The following GABBR2 variants were observed in gnomAD, a reference collection of about 807,000 sequenced individuals.
The protein encoded by GABBR2 is G-protein coupled receptor 51.
GABBR2 carries 23 observed loss-of-function variants against 105.6 expected under a neutral mutation model. That is an observed-to-expected ratio of 0.22 (90% CI 0.16 to 0.31). The LOEUF is 0.31. Among genes scored for constraint, GABBR2 ranks in the 10% least tolerant of loss-of-function variants. The probability of loss-of-function intolerance (pLI) is 1.00; values close to 1 mark genes in which losing one functional copy is unlikely to be tolerated. For missense variants in GABBR2, 734 were observed against 1,245.5 expected (o/e 0.59, Z 6.18); for synonymous variants, 478 against 499.7 (o/e 0.96, Z 0.58).
intron 1 of GABBR2, among the ~76,000 whole-genome samples, chr9:98,621,087 C>T (rs886145373): frequency 6.6e-6 from 1 of 152,176 alleles, no homozygotes; most frequent in African/African-American, 2.4e-5. Flanking sequence ...CAGCAATTAC[C>T]CTTGGCTTAT....
chr9:98,436,332 A>ATAT (rs1564068096), intron 7 of GABBR2, among the ~76,000 whole-genome samples: 2 of 21,486 alleles, frequency 9.3e-5, no homozygotes, highest in East Asian at 2.0e-3. Flanking sequence ...ATATATATAT[A>ATAT]CACACACACA....
At chr9:98,513,322 A>G (rs1340936550) in intron 3 of GABBR2, among the ~76,000 whole-genome samples, 1 of 152,224 alleles carries the variant, frequency 6.6e-6, no homozygotes. Context: ...AACCTAGGCA[A>G]TAAGATTCAG....
intron 11 of GABBR2, among the ~76,000 whole-genome samples, chr9:98,383,253 A>G (rs1832011208): frequency 6.6e-6 from 1 of 152,002 alleles, no homozygotes; most frequent in African/African-American, 2.4e-5. Flanking sequence ...AGGAGGCCAT[A>G]CTCTTTAGAG....
At chr9:98,557,303 C>T (rs1367242579) in intron 2 of GABBR2, among the ~76,000 whole-genome samples, 1 of 152,166 alleles carries the variant, frequency 6.6e-6, no homozygotes, top group Non-Finnish European at 1.5e-5. Context: ...CAGGGGGTGT[C>T]TCCCCTACTG....
In GABBR2 at chr9:98,623,522, G is replaced by A. The variant is rs142016734; in HGVS notation, c.322-45450C>T. Among the ~76,000 whole-genome samples the A allele has an allele frequency of 3.3e-5, 5 of 152,326 alleles. No homozygotes were observed. In the East Asian group the frequency reaches 9.6e-4, roughly 29 times the overall value. Reference sequence around the variant, plus strand: ...CCAGAATCCAAAATGGATCTCACTGGGCTAAAATCCAGTTGTCAGCAGGGC... The same window carrying A: ...CCAGAATCCAAAATGGATCTCACTGAGCTAAAATCCAGTTGTCAGCAGGGC... On this transcript the variant is annotated intron_variant, in intron 1 of 18. Transcript: ENST00000259455.
At chr9:98,331,655 G>A (rs1831028368) in intron 13 of GABBR2, among the ~76,000 whole-genome samples, 1 of 152,234 alleles carries the variant, frequency 6.6e-6, no homozygotes, top group African/African-American at 2.4e-5. Flanking sequence ...TGAATGACAC[G>A]TGTCTCTCTA....
chr9:98,653,160 A>T (rs1029497667), intron 1 of GABBR2, among the ~76,000 whole-genome samples: 1 of 152,242 alleles, frequency 6.6e-6, no homozygotes, highest in African/African-American at 2.4e-5. Flanking sequence ...AAGCCCAGCT[A>T]AGTTATTATT....
intron 1 of GABBR2, among the ~76,000 whole-genome samples, chr9:98,586,283 T>TC (rs1046178991): frequency 7.4e-6 from 1 of 135,782 alleles, no homozygotes; most frequent in Non-Finnish European, 1.6e-5. Flanking sequence ...CTCTTTTCTT[T>TC]CTTTTTTTTT....
intron 1 of GABBR2, among the ~76,000 whole-genome samples, chr9:98,653,308 T>G (rs147118575): frequency 1.1e-3 from 175 of 152,346 alleles, no homozygotes; most frequent in African/African-American, 4.0e-3. Flanking sequence ...CCTTAGCTAT[T>G]TCTAAAGCAC....
At chr9:98,405,619 C>T (rs1222474676) in intron 8 of GABBR2, among the ~76,000 whole-genome samples, 2 of 152,152 alleles carry the variant, frequency 1.3e-5, no homozygotes, top group African/African-American at 4.8e-5. Flanking sequence ...CAAAATCCCC[C>T]AACGACCAAG....
At chr9:98,538,822 C>T (rs754599740) in intron 3 of GABBR2, among the ~76,000 whole-genome samples, 11 of 152,160 alleles carry the variant, frequency 7.2e-5, no homozygotes, top group Non-Finnish European at 1.3e-4. Flanking sequence ...TAGCCCCTGG[C>T]GAGTTTCCAG....
At chr9:98,689,648 G>A (rs76097300) in intron 1 of GABBR2, among the ~76,000 whole-genome samples, 1,826 of 152,282 alleles carry the variant, frequency 0.012, 20 homozygotes, top group Middle Eastern at 0.031. Context: ...AGCCAGGATC[G>A]TCCTCTATCC....
chr9:98,601,728 T>C (rs965766822), intron 1 of GABBR2, among the ~76,000 whole-genome samples: 3 of 152,160 alleles, frequency 2.0e-5, no homozygotes, highest in Admixed American at 1.3e-4. Flanking sequence ...CATGGTCTCT[T>C]GAAGCTCTGT....
In GABBR2 at chr9:98,295,401, T is replaced by C. The variant is rs1830364197; in HGVS notation, c.2543-1499A>G. Among the ~76,000 whole-genome samples, 3 of 152,330 alleles carry C rather than the reference T, an allele frequency of 2.0e-5. No homozygotes were observed. The South Asian group carries it at 6.2e-4, about 32-fold the overall frequency. ...GCGCTGAAGTGCTGGCTAGTGTCCC[T>C]AAGCACAAGAGGGCTGTGATGTGCC... On this transcript the variant is annotated intron_variant, in intron 17 of 18. Transcript: ENST00000259455.
intron 1 of GABBR2, among the ~76,000 whole-genome samples, chr9:98,699,491 T>C (rs1384667833): frequency 6.6e-6 from 1 of 152,200 alleles, no homozygotes; most frequent in African/African-American, 2.4e-5. Context: ...ACTCTGCCCA[T>C]TAATCCTCTT....
intron 4 of GABBR2, among the ~76,000 whole-genome samples, chr9:98,487,966 C>A (rs1358763239): frequency 6.6e-6 from 1 of 152,164 alleles, no homozygotes; most frequent in Non-Finnish European, 1.5e-5. Context: ...TAAATGTATT[C>A]ATGTATTCAC....
intron 1 of GABBR2, among the ~76,000 whole-genome samples, chr9:98,675,056 C>T (rs1461753516): frequency 6.6e-6 from 1 of 152,162 alleles, no homozygotes; most frequent in African/African-American, 2.4e-5. Context: ...ATGTGTCTTC[C>T]CCAGGCCTCT....
chr9:98,446,363 A>G (rs1826129899), intron 7 of GABBR2, among the ~76,000 whole-genome samples: 1 of 152,166 alleles, frequency 6.6e-6, no homozygotes, highest in Non-Finnish European at 1.5e-5. Context: ...ATTTACCGCC[A>G]CTCTACAAAT....
At chr9:98,323,844 A>G (rs927241505) in intron 13 of GABBR2, among the ~76,000 whole-genome samples, 12 of 152,144 alleles carry the variant, frequency 7.9e-5, no homozygotes, top group Non-Finnish European at 1.5e-4. Flanking sequence ...GCTTGGCGTG[A>G]ATGGAGAGGT....
Sources: allele counts gnomAD v4.1 joint callset (sites outside exome capture counted in the v4.1 genomes callset), GRCh38; gene constraint gnomAD v4.1.1; transcripts MANE v1.5; gene names NCBI Gene and HGNC (gene_info 2026-07-23, HGNC 2026-07-21).